The following PACRG variants were observed in gnomAD, a reference collection of about 807,000 sequenced individuals.
PACRG encodes parkin coregulated gene protein.
PACRG carries 29 observed loss-of-function variants against 29.7 expected under a neutral mutation model. That is an observed-to-expected ratio of 0.98 (90% CI 0.73 to 1.33). The LOEUF is 1.33. Ranked by LOEUF, PACRG falls within the 40% of genes most tolerant of loss-of-function variation. PACRG has a pLI of 0.00. For synonymous variants in PACRG, 116 were observed against 118.7 expected, an observed-to-expected ratio of 0.98 and a Z score of 0.15; for missense variants, 279 against 316.2, an observed-to-expected ratio of 0.88 and a Z score of 0.89.
At chr6:163,200,677 T>C (rs754565911) in intron 4 of PACRG, among the ~76,000 whole-genome samples, 1 of 152,210 alleles carries the variant, frequency 6.6e-6, no homozygotes, top group Non-Finnish European at 1.5e-5. Context: ...AGACACCTGA[T>C]ATGATCATTG....
intron 4 of PACRG, among the ~76,000 whole-genome samples, chr6:163,110,841 C>G (rs543318304): frequency 1.4e-4 from 21 of 152,284 alleles, no homozygotes; most frequent in African/African-American, 5.1e-4. Context: ...ATGAGGAGAC[C>G]CAGGATCAGT....
intron 2 of PACRG, among the ~76,000 whole-genome samples, chr6:162,999,330 G>A (rs530711076): frequency 6.6e-6 from 1 of 152,252 alleles, no homozygotes; most frequent in Admixed American, 6.5e-5. Flanking sequence ...GTATAGAATG[G>A]TACAATTTAT....
intron 4 of PACRG, among the ~76,000 whole-genome samples, chr6:163,182,112 GT>G (rs1245052849): frequency 2.0e-5 from 3 of 152,182 alleles, no homozygotes; most frequent in African/African-American, 7.2e-5. Flanking sequence ...TCTTCTTGCG[GT>G]TTCAGTTGAA....
At chr6:163,218,978 G>A (rs138757527) in intron 4 of PACRG, among the ~76,000 whole-genome samples, 86 of 152,324 alleles carry the variant, frequency 5.6e-4, no homozygotes, top group African/African-American at 1.9e-3. Flanking sequence ...CCCCCACTGC[G>A]CTTACTCCGC....
intron 2 of PACRG, among the ~76,000 whole-genome samples, chr6:163,022,457 T>G (rs1806724339): frequency 6.6e-6 from 1 of 152,108 alleles, no homozygotes; most frequent in Admixed American, 6.5e-5. Context: ...AGTCCAAGGA[T>G]TCAACCGGAA....
At chr6:162,947,248 ATATATC>A (rs1799085303) in intron 2 of PACRG, among the ~76,000 whole-genome samples, 3 of 145,504 alleles carry the variant, frequency 2.1e-5, no homozygotes, top group African/African-American at 7.6e-5. Flanking sequence ...ATATATAAAC[ATATATC>A]ATATATAATC....
At chr6:162,986,874 G>A (rs376991414) in intron 2 of PACRG, among the ~76,000 whole-genome samples, 1 of 151,306 alleles carries the variant, frequency 6.6e-6, no homozygotes, top group Non-Finnish European at 1.5e-5. Context: ...AGTTGTGATT[G>A]TTTTTTCTTT....
intron 1 of PACRG, among the ~76,000 whole-genome samples, chr6:162,766,225 C>A (rs1365679218): frequency 2.0e-5 from 3 of 152,148 alleles, no homozygotes; most frequent in African/African-American, 7.2e-5. Context: ...TCTTTCCCTG[C>A]CCAGCCTCTG....
intron 4 of PACRG, among the ~76,000 whole-genome samples, chr6:163,098,049 G>C (rs537331606): frequency 6.6e-6 from 1 of 152,294 alleles, no homozygotes; most frequent in East Asian, 1.9e-4. Flanking sequence ...TGTCATGTGA[G>C]GTTATGCTAG....
chr6:162,745,430 T>C (rs1181578461), intron 1 of PACRG, among the ~76,000 whole-genome samples: 1 of 152,114 alleles, frequency 6.6e-6, no homozygotes, highest in Non-Finnish European at 1.5e-5. Flanking sequence ...AAATAGCTAA[T>C]GCATACGGGG....
At chr6:163,176,248 T>C (rs115737852) in intron 4 of PACRG, among the ~76,000 whole-genome samples, 7 of 152,364 alleles carry the variant, frequency 4.6e-5, no homozygotes, top group African/African-American at 1.7e-4. Flanking sequence ...AGAACAAAGA[T>C]ACTAACACTT....
chr6:163,140,699 A>G lies in PACRG; in HGVS notation c.613+51291A>G, dbSNP rs536172289. Among the ~76,000 whole-genome samples the G allele has an allele frequency of 4.0e-4, 61 of 152,338 alleles. No individual in the cohort carries two copies. In the South Asian group the frequency reaches 0.013, roughly 32 times the overall value. On this transcript the variant is annotated intron_variant, in intron 4 of 4. Transcript: ENST00000366888. ...CCCACACAATAAAAATTTAGAACAC[A>G]TGTTCATTCTGTTATTAAAATAAAT... is the stretch of plus-strand genomic sequence containing the variant.
At chr6:163,235,640 A>G (rs1782206341) in intron 4 of PACRG, among the ~76,000 whole-genome samples, 1 of 152,200 alleles carries the variant, frequency 6.6e-6, no homozygotes, top group Non-Finnish European at 1.5e-5. Flanking sequence ...GCCAGCACCT[A>G]AGAGAAATTA....
chr6:163,131,315 C>CAAAAAAAAAAAAAAAAAA (rs55958953), intron 4 of PACRG, among the ~76,000 whole-genome samples: 1 of 136,186 alleles, frequency 7.3e-6, no homozygotes, highest in African/African-American at 2.9e-5. Flanking sequence ...CTGTCTCAAA[C>CAAAAAAAAAAAAAAAAAA]AAAAAAAAAA....
chr6:162,728,413 A>G (rs778412573), intron 1 of PACRG, 22 bp downstream of exon 1: 3 of 1,606,070 alleles, frequency 1.9e-6, no homozygotes, highest in Non-Finnish European at 2.5e-6. Context: ...TCCTGAATTA[A>G]ATGCACTCGC....
intron 4 of PACRG, among the ~76,000 whole-genome samples, chr6:163,097,093 A>G (rs967835037): frequency 1.3e-5 from 2 of 152,184 alleles, no homozygotes; most frequent in African/African-American, 4.8e-5. Flanking sequence ...ACCTACGCAT[A>G]GGGCTGCATC....
chr6:162,859,892 T>C (rs1278083302), intron 2 of PACRG, among the ~76,000 whole-genome samples: 2 of 152,212 alleles, frequency 1.3e-5, no homozygotes, highest in Non-Finnish European at 2.9e-5. Flanking sequence ...CAGAAAACTT[T>C]TGTTACATAA....
intron 4 of PACRG, among the ~76,000 whole-genome samples, chr6:163,172,279 A>G (rs1585293161): frequency 6.6e-6 from 1 of 152,296 alleles, no homozygotes. Context: ...CACCCCCTCA[A>G]CCTAAATGAG....
chr6:163,206,924 C>T (rs138210076), intron 4 of PACRG, among the ~76,000 whole-genome samples: 1 of 152,224 alleles, frequency 6.6e-6, no homozygotes, highest in Non-Finnish European at 1.5e-5. Context: ...TCCTTTTCCT[C>T]AATTCTGAAA....
Sources: allele counts gnomAD v4.1 joint callset (sites outside exome capture counted in the v4.1 genomes callset), GRCh38; gene constraint gnomAD v4.1.1; transcripts MANE v1.5; gene names NCBI Gene and HGNC (gene_info 2026-07-23, HGNC 2026-07-21).